The following NLRX1 variants were observed in gnomAD, a reference collection of about 807,000 sequenced individuals.
The protein encoded by NLRX1 is NOD-like receptor X1.
A neutral mutation model predicts 74.2 loss-of-function variants in NLRX1; 67 were observed. The ratio of observed to expected loss-of-function variants is 0.90; its 90% CI spans 0.74 to 1.11. The LOEUF is 1.11. NLRX1 is among the 50% of genes least tolerant of loss of function. NLRX1 has a pLI of 0.00. For synonymous variants in NLRX1, 506 were observed against 559.1 expected (o/e 0.91, Z 1.34); for missense variants, 1,191 against 1,305.4 (o/e 0.91, Z 1.35).
intron 2 of NLRX1, 75 bp downstream of exon 2, chr11:119,171,548 C>T: frequency 2.8e-6 from 3 of 1,059,358 alleles, no homozygotes; most frequent in South Asian, 1.3e-5. Flanking sequence ...TCCAAGACAG[C>T]AGGGATCCAG....
Position 119,171,487 on chromosome 11 carries a change from A to C in NLRX1, c.70+14A>C, listed in dbSNP as rs1565824184. 2 of 1,597,780 alleles carry C rather than the reference A, an allele frequency of 1.3e-6. No individual in the cohort carries two copies. Among genetic ancestry groups the C allele is most frequent in the East Asian group, 2.2e-5 (1 of 44,802 alleles). ...TCCAGCGACCAGGTGAGCAGGAAGC[A>C]GGGGTTTCTGTTTTTACCTCTTTCT... On this transcript the variant is annotated intron_variant, in intron 2 of 9. Coordinates refer to ENST00000409109, the MANE Select transcript of NLRX1 (RefSeq NM_001282144.2).
intron 7 of NLRX1, 25 bp downstream of exon 7, chr11:119,180,313 G>C (rs762165106): frequency 6.6e-7 from 1 of 1,521,786 alleles, no homozygotes; most frequent in Non-Finnish European, 8.9e-7. Flanking sequence ...TCATGCACAG[G>C]CATGAAGAGG....
At chr11:119,181,106 G>A in intron 7 of NLRX1, 65 bp from the exon 8 acceptor site, 1 of 1,141,602 alleles carries the variant, frequency 8.8e-7, no homozygotes, top group Non-Finnish European at 1.3e-6. Flanking sequence ...ATGGTAGATG[G>A]ACAGACTGCC....
Position 119,174,963 on chromosome 11 carries a change from GA to G in NLRX1, c.1361del (p.Glu454GlyfsTer21). On this transcript the variant is annotated frameshift_variant, in exon 6 of 10. Transcript: ENST00000409109. LOFTEE classifies it high-confidence loss of function. ...TGAAGAGGATGTCTGTGGCTGCCTG[GA>G]GGCTGGCATCAGGACGGAGGAGGAG... ...FSEEDVCGCLEAGIRTEEEFQ... is the reference protein window; with the variant it reads ...FSEEDVCGCLXAGIRTEEEFQ... 1 of 1,614,062 alleles carries G rather than the reference GA, an allele frequency of 6.2e-7. No individual in the cohort carries two copies. Among genetic ancestry groups the G allele is most frequent in the South Asian group, 1.1e-5 (1 of 91,086 alleles).
chr11:119,182,757 C>G (rs545591849), intron 9 of NLRX1, among the ~76,000 whole-genome samples: 1 of 151,878 alleles, frequency 6.6e-6, no homozygotes, highest in African/African-American at 2.4e-5. Context: ...TGTGGTGGTG[C>G]GCACCTGTAA....
intron 6 of NLRX1, 87 bp from the exon 7 acceptor site, chr11:119,179,606 A>G (rs1238175108): frequency 2.7e-6 from 3 of 1,119,612 alleles, no homozygotes; most frequent in Non-Finnish European, 3.9e-6. Flanking sequence ...GGGCTGGAGC[A>G]GTCATGGGAG....
intron 8 of NLRX1, among the ~76,000 whole-genome samples, chr11:119,181,857 G>C (rs1186527068): frequency 1.3e-5 from 2 of 151,922 alleles, no homozygotes; most frequent in Admixed American, 1.3e-4. Flanking sequence ...GGGAAGGAAA[G>C]GCCAGCTCCC....
chr11:119,175,378 C>T lies in NLRX1; in HGVS notation c.1671+104C>T, dbSNP rs190260631. The T allele has an allele frequency of 6.3e-3, 6,025 of 957,526 alleles. 39 individuals are homozygous for T. Among genetic ancestry groups the T allele is most frequent in the Non-Finnish European group, 7.0e-3 (4,441 of 637,830 alleles). 59.3% of individuals were successfully genotyped at this position (957,526 alleles called of 1,614,324 possible). ...TTCCCTGTTCACCCCTTGCTCCTCT[C>T]CCAGCAGGAAACTGCTGCTTCCTGC... On this transcript the variant is annotated intron_variant, in intron 6 of 9. Transcript: ENST00000409109.
At chr11:119,172,830 T>C in intron 3 of NLRX1, 71 bp from the exon 4 acceptor site, 1 of 1,144,310 alleles carries the variant, frequency 8.7e-7, no homozygotes, top group Non-Finnish European at 1.3e-6. Context: ...GCAGATAGGC[T>C]TGGACCCAGA....
chr11:119,179,794 T>C lies in NLRX1; in HGVS notation c.1773T>C (p.Asp591=). The change falls in exon 7 of 10, where the codon GAT becomes GAC. Residue 591 remains aspartate (D), a synonymous_variant. Coordinates refer to ENST00000409109, the MANE Select transcript of NLRX1 (RefSeq NM_001282144.2). ...EMFREEDYYN[D]DVLDQMGASI... Reference sequence around the variant, plus strand: ...TTCGAGAGGAGGACTACTACAACGATGATGTTCTGGACCAGATGGGCGCCA... The same window carrying C: ...TTCGAGAGGAGGACTACTACAACGACGATGTTCTGGACCAGATGGGCGCCA... 6.2e-7 allele frequency: 1 copy of C among 1,614,168 alleles called. No individual in the cohort carries two copies. The highest frequency in any genetic ancestry group is 2.2e-5 in the East Asian group (1 of 44,874).
intron 6 of NLRX1, among the ~76,000 whole-genome samples, chr11:119,176,831 CTTTTTA>C (rs1948714778): frequency 2.6e-5 from 4 of 152,100 alleles, no homozygotes; most frequent in Admixed American, 1.3e-4. Flanking sequence ...GCCCAGCCAA[CTTTTTA>C]TTTTTATAGG....
In NLRX1 at chr11:119,182,140, G is replaced by A. The variant is rs926265875; in HGVS notation, c.2401G>A (p.Glu801Lys). The change falls in exon 9 of 10, where the codon GAG becomes AAG. Residue 801 changes from glutamate to lysine, a missense_variant. Physicochemically the swap from Glu to Lys is moderately conservative, Grantham distance 56. Transcript: ENST00000409109. ...GGCGGCAGGTGTTGCCGTGCTAATG[G>A]AGGGGCTGGCAGGAAACACCTCAGT... ...LTAAGVAVLM[E>K]GLAGNTSVTH... The A allele has an allele frequency of 5.0e-6, 8 of 1,614,040 alleles. No homozygotes were observed. The Admixed American group carries it at 8.3e-5, about 17-fold the overall frequency.
chr11:119,175,773 G>C (rs1215438229), intron 6 of NLRX1, among the ~76,000 whole-genome samples: 1 of 152,120 alleles, frequency 6.6e-6, no homozygotes, highest in Admixed American at 6.6e-5. Context: ...TTGGTAATTG[G>C]CTTAGGGGAG....
intron 2 of NLRX1, 69 bp from the exon 3 acceptor site, chr11:119,172,287 T>G: frequency 8.2e-7 from 1 of 1,224,844 alleles, no homozygotes; most frequent in Non-Finnish European, 1.2e-6. Flanking sequence ...TACTGGGGGG[T>G]TTGATGTAGA....
At position 119,173,809 on chromosome 11, in the gene NLRX1, G is replaced by A. The variant is rs199476041; in HGVS notation, c.560G>A (p.Arg187Gln). 157 of 1,613,498 alleles carry A rather than the reference G, an allele frequency of 9.7e-5. 1 individual carries two copies. The East Asian group carries it at 2.5e-3, about 25-fold the overall frequency. ...ATGGTTCTGGACTGGTGTTATGGGC[G>A]GCTGCCGGCCTTCGAGCTGCTCATC... ...RKMVLDWCYG[R>Q]LPAFELLIPF... is the part of the protein sequence containing the mutation. Residue 187 changes from arginine to glutamine, a missense_variant, in exon 5 of 10, where the codon CGG becomes CAG. Arg to Gln is a conservative substitution (Grantham distance 43). Transcript: ENST00000409109. The surrounding 1 kb of genome is among the most constrained non-coding windows in gnomAD (Gnocchi z 4.0).
Position 119,172,371 on chromosome 11 carries a change from T to G in NLRX1, c.86T>G (p.Phe29Cys), listed in dbSNP as rs1347396023. 6.2e-7 allele frequency: 1 copy of G among 1,613,754 alleles called. No homozygotes were observed. Among genetic ancestry groups the G allele is most frequent in the African/African-American group, 1.3e-5 (1 of 75,038 alleles). Residue 29 changes from phenylalanine to cysteine, a missense_variant, in exon 3 of 10, where the codon TTC becomes TGC. Transcript: ENST00000409109. ...CTCTCTGTAGATGATCGTATCCCCTTCCTGATCCACTGGAGTTGGCCCCTT... is the reference window on the plus strand; with the variant it reads ...CTCTCTGTAGATGATCGTATCCCCTGCCTGATCCACTGGAGTTGGCCCCTT... ...ALQRPDDRIPFLIHWSWPLQG... is the reference protein window; with the variant it reads ...ALQRPDDRIPCLIHWSWPLQG...
chr11:119,180,410 A>C (rs1326565086), intron 7 of NLRX1, 122 bp downstream of exon 7: 5 of 811,568 alleles, frequency 6.2e-6, no homozygotes, highest in Non-Finnish European at 9.3e-6. Context: ...GGGATGAAGA[A>C]GTCTAGTTTA....
In NLRX1 at chr11:119,175,090, C is replaced by T; in HGVS notation, c.1487C>T (p.Ala496Val). 6.2e-7 allele frequency: 1 copy of T among 1,614,178 alleles called. No individual in the cohort carries two copies. Among genetic ancestry groups the T allele is most frequent in the Non-Finnish European group, 8.5e-7 (1 of 1,180,040 alleles). The change falls in exon 6 of 10, where the codon GCC (alanine) becomes GTC (valine). Residue 496 changes from alanine to valine, a missense_variant. Ala to Val is a moderately conservative substitution (Grantham distance 64, BLOSUM62 0). Coordinates refer to ENST00000409109, the MANE Select transcript of NLRX1 (RefSeq NM_001282144.2). ...RAGTFVFTVP[A>V]MQEYLAALYI... is the part of the protein sequence containing the mutation. ...GGCACCTTCGTGTTCACCGTGCCCG[C>T]CATGCAGGAATACCTGGCTGCCCTC... is the stretch of plus-strand genomic sequence containing the variant.
chr11:119,173,113 T>C lies in NLRX1; in HGVS notation c.229+124T>C. On this transcript the variant is annotated intron_variant, in intron 4 of 9. Coordinates refer to ENST00000409109, the MANE Select transcript of NLRX1 (RefSeq NM_001282144.2). This position sits in a 1 kb window ranked among gnomAD's most constrained non-coding sequence, Gnocchi z 4.0. The stretch of plus-strand genomic sequence containing the variant: ...CTTCCATCGGTGGTCCCTCCTCCTC[T>C]CTCTCTCTCCCTCCCATCCGTCTAT... 1.4e-6 allele frequency: 1 copy of C among 728,736 alleles called. No individual in the cohort carries two copies. The highest frequency in any genetic ancestry group is 2.4e-6 in the Non-Finnish European group (1 of 415,168). 45.1% of individuals were successfully genotyped at this position (728,736 alleles called of 1,614,324 possible).
Sources: gnomAD v4.1 joint callset for allele counts (sites outside exome capture counted in the v4.1 genomes callset) on GRCh38, gnomAD v4.1.1 for gene constraint, Gnocchi (gnomAD v3.1) non-coding constraint, MANE v1.5 for transcripts, NCBI Gene and HGNC (gene_info 2026-07-23, HGNC 2026-07-21) for gene names.